The following VCF1 variants were observed in gnomAD, a reference collection of about 807,000 sequenced individuals.
VCF1 encodes protein VCF1.
chr17:73,218,160 A>G, the VCF1 span, among the ~76,000 whole-genome samples: 1 of 152,072 alleles, frequency 6.6e-6, no homozygotes, highest in Non-Finnish European at 1.5e-5. Flanking sequence ...CTGCCACAGA[A>G]TCTGGATTAA....
chr17:73,224,256 GTC>G, the VCF1 span, among the ~76,000 whole-genome samples: 115 of 50,542 alleles, frequency 2.3e-3, no homozygotes, highest in African/African-American at 8.1e-3. Flanking sequence ...GTGAGACGTC[GTC>G]TCTCCAAAAA....
chr17:73,209,188 A>G, the VCF1 span: 1 of 294,224 alleles, frequency 3.4e-6, no homozygotes. Flanking sequence ...CTTTACATAA[A>G]GTAGAGTTTC....
chr17:73,227,307 A>C, the VCF1 span: 1 of 1,478,308 alleles, frequency 6.8e-7, no homozygotes, highest in South Asian at 1.3e-5. Flanking sequence ...AACCCAAACA[A>C]CCGATGTTTT....
the VCF1 span, among the ~76,000 whole-genome samples, chr17:73,222,085 T>C: frequency 0.52 from 74,872 of 144,952 alleles, 19,324 homozygotes; most frequent in East Asian, 0.6. Context: ...CGCACACCTG[T>C]AGTTTGGGAG....
the VCF1 span, chr17:73,212,603 T>C: frequency 2.4e-3 from 3,036 of 1,251,520 alleles, 59 homozygotes; most frequent in African/African-American, 0.04. Flanking sequence ...AGTATAACAA[T>C]GTAGAATGGC....
the VCF1 span, among the ~76,000 whole-genome samples, chr17:73,219,006 C>T: frequency 2.1e-4 from 32 of 150,758 alleles, no homozygotes; most frequent in East Asian, 5.9e-4. Context: ...GATGGCAGAG[C>T]GAGACTCCGT....
At chr17:73,225,468 A>G in the VCF1 span, among the ~76,000 whole-genome samples, 2 of 152,078 alleles carry the variant, frequency 1.3e-5, no homozygotes, top group Admixed American at 1.3e-4. Flanking sequence ...TTTAACCAAG[A>G]GACAAAAGCA....
chr17:73,229,867 C>CAAAAAA, the VCF1 span, among the ~76,000 whole-genome samples: 4 of 22,622 alleles, frequency 1.8e-4, 1 homozygote, highest in African/African-American at 5.9e-4. Context: ...GACTCCATCT[C>CAAAAAA]AAAAAAAAAA....
the VCF1 span, among the ~76,000 whole-genome samples, chr17:73,222,580 C>A: frequency 1.3e-5 from 2 of 151,980 alleles, no homozygotes; most frequent in Non-Finnish European, 2.9e-5. Flanking sequence ...GAGTTTGAGA[C>A]CAGCCTGGCC....
At chr17:73,208,461 A>C in the VCF1 span, 14 of 1,613,626 alleles carry the variant, frequency 8.7e-6, no homozygotes, top group Non-Finnish European at 1.2e-5. Context: ...ACATGGCAAC[A>C]CATCTGTCTC....
At chr17:73,216,607 G>A in the VCF1 span, among the ~76,000 whole-genome samples, 14 of 152,142 alleles carry the variant, frequency 9.2e-5, no homozygotes, top group African/African-American at 2.9e-4. Context: ...CTGAAGAGCC[G>A]AAAAGAAGGG....
the VCF1 span, among the ~76,000 whole-genome samples, chr17:73,224,725 A>G: frequency 6.6e-6 from 1 of 152,174 alleles, no homozygotes; most frequent in Non-Finnish European, 1.5e-5. Context: ...TTAACTTTCC[A>G]TTTTAAAAGA....
chr17:73,229,193 T>C, the VCF1 span: 2 of 985,360 alleles, frequency 2.0e-6, no homozygotes, highest in Non-Finnish European at 1.2e-6. Context: ...GGCCTGTTGG[T>C]AGCCTTCTCC....
chr17:73,222,504 G>A, the VCF1 span, among the ~76,000 whole-genome samples: 7 of 151,966 alleles, frequency 4.6e-5, no homozygotes, highest in African/African-American at 9.7e-5. Flanking sequence ...AGGGCTGGGC[G>A]CGGTGGCTCA....
At chr17:73,224,885 C>CACAGCACAGG in the VCF1 span, among the ~76,000 whole-genome samples, 3 of 125,190 alleles carry the variant, frequency 2.4e-5, no homozygotes, top group African/African-American at 1.1e-4. Flanking sequence ...GACAGCACAG[C>CACAGCACAGG]ACAGGACAGG....
the VCF1 span, chr17:73,208,650 A>C: frequency 1.5e-6 from 1 of 668,296 alleles, no homozygotes; most frequent in East Asian, 2.8e-5. Context: ...GTTGCTTTAG[A>C]CATCAGTTCA....
the VCF1 span, among the ~76,000 whole-genome samples, chr17:73,219,177 G>C: frequency 6.6e-3 from 199 of 30,130 alleles, no homozygotes; most frequent in African/African-American, 0.024. Flanking sequence ...GGCAACAAGA[G>C]AAAAACTCCG....
At chr17:73,210,472 C>T in the VCF1 span, among the ~76,000 whole-genome samples, 2 of 148,344 alleles carry the variant, frequency 1.3e-5, no homozygotes, top group Non-Finnish European at 1.5e-5. Context: ...ATAAGAGTCA[C>T]TTTCATTCTG....
chr17:73,209,753 T>C, the VCF1 span: 1 of 1,542,186 alleles, frequency 6.5e-7, no homozygotes, highest in Non-Finnish European at 8.7e-7. Context: ...CTCCCACCAC[T>C]GTCACTGCCT....
Sources: gnomAD v4.1 joint callset for allele counts (sites outside exome capture counted in the v4.1 genomes callset) on GRCh38, gnomAD v4.1.1 for gene constraint, MANE v1.5 for transcripts, NCBI Gene and HGNC (gene_info 2026-07-23, HGNC 2026-07-21) for gene names.